Variants in ARHGAP6 observed in about 807,000 individuals in gnomAD.
ARHGAP6 encodes the protein Rho GTPase activating protein 6.
Under a neutral mutation model 55.7 loss-of-function variants are expected in ARHGAP6, and 16 were observed. The observed-to-expected ratio is 0.29, with a 90% CI of 0.19 to 0.44. The LOEUF (loss-of-function observed/expected upper bound fraction) is 0.44, where lower values mean the gene tolerates loss of function less well. ARHGAP6 is among the 20% of genes least tolerant of loss of function. The pLI, the probability that ARHGAP6 is intolerant of heterozygous loss-of-function variation, is 1.00. For synonymous variants in ARHGAP6, 382 were observed against 360.9 expected, an observed-to-expected ratio of 1.06 and a Z score of -0.66; for missense variants, 698 against 808.9, an observed-to-expected ratio of 0.86 and a Z score of 1.66.
chrX:11,213,065 C>A (rs2046828381), intron 2 of ARHGAP6, among the ~76,000 whole-genome samples: 1 of 112,649 alleles, frequency 8.9e-6, no homozygotes, highest in Non-Finnish European at 1.9e-5. Flanking sequence ...AATATTCCAG[C>A]TCCTCATCCT....
chrX:11,423,217 C>T (rs1041132700), intron 1 of ARHGAP6, among the ~76,000 whole-genome samples: 8 of 112,995 alleles, frequency 7.1e-5, no homozygotes, highest in Non-Finnish European at 9.4e-5. Context: ...ATAACTGATT[C>T]ATATCAGCAT....
intron 2 of ARHGAP6, chrX:11,225,664 T>C: frequency 1.7e-6 from 1 of 592,919 alleles, no homozygotes; most frequent in Non-Finnish European, 2.6e-6. Flanking sequence ...GTTTTGTGCT[T>C]CTAGAGAATA....
At chrX:11,600,109 T>TA (rs758445459) in intron 1 of ARHGAP6, among the ~76,000 whole-genome samples, 2 of 111,754 alleles carry the variant, frequency 1.8e-5, no homozygotes, top group South Asian at 7.6e-4. Flanking sequence ...ATAGCCAAGA[T>TA]ACCATGCACT....
intron 1 of ARHGAP6, among the ~76,000 whole-genome samples, chrX:11,290,738 C>A (rs2047980221): frequency 9.0e-6 from 1 of 111,351 alleles, no homozygotes; most frequent in Non-Finnish European, 1.9e-5. Context: ...ACCCTCATAC[C>A]CCGAGTGCTG....
chrX:11,424,712 C>G (rs1279820452), intron 1 of ARHGAP6, among the ~76,000 whole-genome samples: 1 of 112,107 alleles, frequency 8.9e-6, no homozygotes, highest in African/African-American at 3.2e-5. Context: ...GATTCAGTCA[C>G]CAAAAGGCAT....
intron 1 of ARHGAP6, among the ~76,000 whole-genome samples, chrX:11,418,074 C>T (rs2049776760): frequency 8.9e-6 from 1 of 112,064 alleles, no homozygotes; most frequent in Admixed American, 9.5e-5. Context: ...GCATCAGGCA[C>T]ATGCTATAAA....
chrX:11,138,484 G>T lies in ARHGAP6; in HGVS notation c.*379C>A. 1 of 155,290 alleles carries T rather than the reference G, an allele frequency of 6.4e-6. No individual in the cohort carries two copies. The highest frequency in any genetic ancestry group is 1.2e-5 in the Non-Finnish European group (1 of 82,629). 12.8% of individuals were successfully genotyped at this position (155,290 alleles called of 1,213,427 possible). A position where few individuals can be genotyped will look rare whatever the true frequency, so the allele number is the denominator to read the frequency against. On this transcript the variant is annotated 3_prime_UTR_variant, in exon 13 of 13. Coordinates refer to ENST00000337414, the MANE Select transcript of ARHGAP6 (RefSeq NM_013427.3). The stretch of plus-strand genomic sequence containing the variant: ...AAAGTTCCTTTTGTTTTCTCTTTGT[G>T]AATATATCATATATGATTATACATA...
chrX:11,620,593 C>T (rs774339391), intron 1 of ARHGAP6, among the ~76,000 whole-genome samples: 1 of 112,268 alleles, frequency 8.9e-6, no homozygotes, highest in South Asian at 3.7e-4. Context: ...AGGCTTTAGG[C>T]TTAAAGCTGG....
intron 7 of ARHGAP6, 75 bp from the exon 8 acceptor site, chrX:11,178,323 T>C: frequency 9.5e-7 from 1 of 1,052,953 alleles, no homozygotes; most frequent in Non-Finnish European, 1.3e-6. Context: ...AGGCCTCCTC[T>C]CAATTGTCTT....
At chrX:11,502,750 T>G (rs764409638) in intron 1 of ARHGAP6, among the ~76,000 whole-genome samples, 2 of 112,005 alleles carry the variant, frequency 1.8e-5, no homozygotes, top group East Asian at 5.5e-4. Context: ...GCTTACTTTA[T>G]TGGAAGAATA....
Position 11,138,868 on chromosome X carries a change from C to A in ARHGAP6, c.2920G>T (p.Val974Phe), listed in dbSNP as rs1286596688. 8.5e-7 allele frequency: 1 copy of A among 1,180,238 alleles called. No homozygotes were observed. Among genetic ancestry groups the A allele is most frequent in the Admixed American group, 2.3e-5 (1 of 43,629 alleles). ...DNPDALPETL[V>F] ...GGGCTCGGCTGGGTGCGGGCTCAGA[C>A]CAGCGTCTCGGGCAGGGCATCGGGG... The change falls in exon 13 of 13, where the codon GTC becomes TTC. Residue 974 changes from valine (V) to phenylalanine (F), a missense_variant. Around this residue, in one of 3 missense-constraint regions of ARHGAP6, gnomAD observed 212 missense variants for 208.7 expected, o/e 1.02. Coordinates refer to ENST00000337414, the MANE Select transcript of ARHGAP6 (RefSeq NM_013427.3).
chrX:11,471,371 T>C (rs1381799638), intron 1 of ARHGAP6, among the ~76,000 whole-genome samples: 1 of 112,069 alleles, frequency 8.9e-6, no homozygotes, highest in African/African-American at 3.2e-5. Context: ...AAAATGGAAA[T>C]TGTAAACTTG....
intron 1 of ARHGAP6, among the ~76,000 whole-genome samples, chrX:11,560,765 C>G (rs1211768178): frequency 8.9e-6 from 1 of 112,389 alleles, no homozygotes; most frequent in African/African-American, 3.2e-5. Flanking sequence ...TCAAATGCTC[C>G]TAAAGTCATG....
At chrX:11,361,493 A>T (rs868433268) in intron 1 of ARHGAP6, among the ~76,000 whole-genome samples, 21 of 111,386 alleles carry the variant, frequency 1.9e-4, no homozygotes, top group Middle Eastern at 4.6e-3. Context: ...CACCTTATAC[A>T]AAAATTAATT....
intron 2 of ARHGAP6, among the ~76,000 whole-genome samples, chrX:11,209,433 C>G (rs2046755875): frequency 8.9e-6 from 1 of 112,293 alleles, no homozygotes; most frequent in African/African-American, 3.2e-5. Context: ...GTGTGAGCCA[C>G]TGTGCCCAGC....
intron 1 of ARHGAP6, among the ~76,000 whole-genome samples, chrX:11,643,923 T>C (rs1008354089): frequency 5.4e-5 from 6 of 110,425 alleles, no homozygotes; most frequent in Admixed American, 2.9e-4. Context: ...CGCATATGCA[T>C]GAGCAAACCC....
chrX:11,371,170 C>T (rs1444437355), intron 1 of ARHGAP6, among the ~76,000 whole-genome samples: 2 of 111,549 alleles, frequency 1.8e-5, no homozygotes, highest in Non-Finnish European at 3.8e-5. Flanking sequence ...AGGATATGTG[C>T]AACATTAAAA....
chrX:11,363,593 G>A (rs1386627256), intron 1 of ARHGAP6, among the ~76,000 whole-genome samples: 2 of 111,796 alleles, frequency 1.8e-5, no homozygotes, highest in Non-Finnish European at 3.8e-5. Flanking sequence ...TAGTAAGAGG[G>A]AATTGATGAA....
At chrX:11,147,555 T>C (rs138430908) in intron 10 of ARHGAP6, among the ~76,000 whole-genome samples, 1,693 of 112,615 alleles carry the variant, frequency 0.015, 30 homozygotes, top group African/African-American at 0.052. Flanking sequence ...CACCTGTGCT[T>C]CCTGTGTCTG....
Sources: allele counts gnomAD v4.1 joint callset (sites outside exome capture counted in the v4.1 genomes callset), GRCh38; gene constraint gnomAD v4.1.1; regional missense constraint gnomAD v4.1.1; transcripts MANE v1.5; gene names NCBI Gene and HGNC (gene_info 2026-07-23, HGNC 2026-07-21).